Variants in IMMP2L observed in about 807,000 individuals in gnomAD.
IMMP2L encodes the protein inner mitochondrial membrane peptidase subunit 2.
IMMP2L carries 18 observed loss-of-function variants against 19.3 expected under a neutral mutation model. That is an observed-to-expected ratio of 0.93 (90% CI 0.64 to 1.38). The LOEUF is 1.38. Ranked by LOEUF, IMMP2L falls within the 40% of genes most tolerant of loss-of-function variation. The probability of loss-of-function intolerance (pLI) is 0.00; values close to 1 mark genes in which losing one functional copy is unlikely to be tolerated. For synonymous variants in IMMP2L, 76 were observed against 73.0 expected (o/e 1.04, Z -0.21); for missense variants, 233 against 218.2 (o/e 1.07, Z -0.43).
intron 3 of IMMP2L, among the ~76,000 whole-genome samples, chr7:111,116,271 T>C (rs1196885324): frequency 6.6e-6 from 1 of 152,100 alleles, no homozygotes; most frequent in East Asian, 1.9e-4. Flanking sequence ...AAATAAAAGT[T>C]CTTAAACATG....
intron 5 of IMMP2L, among the ~76,000 whole-genome samples, chr7:110,784,687 A>G (rs1344682979): frequency 6.6e-6 from 1 of 151,966 alleles, no homozygotes; most frequent in Admixed American, 6.6e-5. Flanking sequence ...AGTGGTCTTC[A>G]TCTTAGCTGC....
intron 3 of IMMP2L, among the ~76,000 whole-genome samples, chr7:111,256,680 T>A (rs1816734978): frequency 6.6e-6 from 1 of 152,066 alleles, no homozygotes; most frequent in Non-Finnish European, 1.5e-5. Flanking sequence ...AAAAGGGTTT[T>A]TCTGTACCAC....
At chr7:110,762,391 G>C (rs1326693964) in intron 5 of IMMP2L, among the ~76,000 whole-genome samples, 1 of 152,042 alleles carries the variant, frequency 6.6e-6, no homozygotes, top group Non-Finnish European at 1.5e-5. Context: ...AAGAAAACAA[G>C]CTTATGGCCT....
intron 3 of IMMP2L, among the ~76,000 whole-genome samples, chr7:111,252,455 T>C (rs1192365731): frequency 6.6e-6 from 1 of 152,048 alleles, no homozygotes; most frequent in African/African-American, 2.4e-5. Flanking sequence ...GTACCCTAAA[T>C]ATTGTCATAA....
At chr7:111,434,311 T>C (rs1836915850) in intron 3 of IMMP2L, among the ~76,000 whole-genome samples, 1 of 151,708 alleles carries the variant, frequency 6.6e-6, no homozygotes, top group Non-Finnish European at 1.5e-5. Context: ...GATTAGGCAA[T>C]GATTTTATGA....
chr7:110,966,432 G>A (rs1055165463), intron 3 of IMMP2L, among the ~76,000 whole-genome samples: 1 of 151,918 alleles, frequency 6.6e-6, no homozygotes, highest in Non-Finnish European at 1.5e-5. Flanking sequence ...CAAGTTTACT[G>A]CCTAATATTG....
chr7:110,838,521 A>G (rs1804735338), intron 5 of IMMP2L, among the ~76,000 whole-genome samples: 1 of 151,978 alleles, frequency 6.6e-6, no homozygotes, highest in South Asian at 2.1e-4. Flanking sequence ...GAATGGACTA[A>G]TCTATTCATG....
intron 2 of IMMP2L, among the ~76,000 whole-genome samples, chr7:111,493,948 C>T (rs1297743571): frequency 1.4e-5 from 2 of 146,998 alleles, no homozygotes; most frequent in African/African-American, 5.0e-5. Context: ...TGCAGTGAGC[C>T]GAGACCACGC....
At chr7:110,930,647 T>C in intron 4 of IMMP2L, among the ~76,000 whole-genome samples, 1 of 152,296 alleles carries the variant, frequency 6.6e-6, no homozygotes, top group Admixed American at 6.5e-5. Flanking sequence ...TACTTAATTA[T>C]CACATTAATA....
intron 3 of IMMP2L, among the ~76,000 whole-genome samples, chr7:111,195,194 GATT>G (rs1190417450): frequency 1.3e-5 from 2 of 151,936 alleles, no homozygotes; most frequent in South Asian, 2.1e-4. Flanking sequence ...AAGTTTATTG[GATT>G]ATTAACATAA....
At chr7:111,542,042 A>G (rs1340558783) in intron 1 of IMMP2L, among the ~76,000 whole-genome samples, 1 of 152,130 alleles carries the variant, frequency 6.6e-6, no homozygotes, top group African/African-American at 2.4e-5. Context: ...AGCCAAAATC[A>G]TATCAACATT....
intron 2 of IMMP2L, among the ~76,000 whole-genome samples, chr7:111,493,893 G>A (rs1452678081): frequency 4.6e-5 from 7 of 151,088 alleles, no homozygotes; most frequent in East Asian, 2.0e-4. Context: ...CCAGCTACTC[G>A]GGAGGCTGAG....
chr7:111,255,702 G>A (rs1271720798), intron 3 of IMMP2L, among the ~76,000 whole-genome samples: 1 of 151,926 alleles, frequency 6.6e-6, no homozygotes, highest in Non-Finnish European at 1.5e-5. Context: ...AAAGAGCTAG[G>A]GATAGATGAG....
chr7:110,804,263 C>A (rs1801463215), intron 5 of IMMP2L, among the ~76,000 whole-genome samples: 1 of 151,920 alleles, frequency 6.6e-6, no homozygotes, highest in Non-Finnish European at 1.5e-5. Flanking sequence ...ATTACTATCT[C>A]CAGATGAAAA....
intron 3 of IMMP2L, among the ~76,000 whole-genome samples, chr7:111,126,304 T>TAA (rs1213784455): frequency 6.6e-6 from 1 of 152,164 alleles, no homozygotes; most frequent in African/African-American, 2.4e-5. Context: ...AGTCCAACAC[T>TAA]AAGATTTTAA....
chr7:110,842,595 G>T (rs1805204592), intron 5 of IMMP2L, among the ~76,000 whole-genome samples: 1 of 152,166 alleles, frequency 6.6e-6, no homozygotes, highest in East Asian at 1.9e-4. Flanking sequence ...GCAGAAGGAG[G>T]GGAGATTGTG....
intron 3 of IMMP2L, among the ~76,000 whole-genome samples, chr7:111,153,615 G>T (rs1804312899): frequency 6.6e-6 from 1 of 151,850 alleles, no homozygotes; most frequent in South Asian, 2.1e-4. Flanking sequence ...ACTGTACTTG[G>T]AAACATAGTA....
chr7:110,684,575 G>C (rs956195767), intron 5 of IMMP2L, among the ~76,000 whole-genome samples: 3 of 151,978 alleles, frequency 2.0e-5, no homozygotes, highest in Admixed American at 6.6e-5. Flanking sequence ...AGATGAGGTT[G>C]ACTGTTAAAA....
At chr7:111,071,637 G>C (rs1433820204) in intron 3 of IMMP2L, among the ~76,000 whole-genome samples, 2 of 152,030 alleles carry the variant, frequency 1.3e-5, no homozygotes, top group African/African-American at 2.4e-5. Flanking sequence ...AGACATAATG[G>C]GTCACATATA....
Sources: allele counts gnomAD v4.1 joint callset (sites outside exome capture counted in the v4.1 genomes callset), GRCh38; gene constraint gnomAD v4.1.1; transcripts MANE v1.5; gene names NCBI Gene and HGNC (gene_info 2026-07-23, HGNC 2026-07-21).